DCAF13: variants seen among roughly 807,000 people sequenced by gnomAD.
DCAF13 encodes DDB1 and CUL4 associated factor 13.
DCAF13 carries 38 observed loss-of-function variants against 59.0 expected under a neutral mutation model. The ratio of observed to expected loss-of-function variants is 0.64; its 90% CI spans 0.50 to 0.84. DCAF13 has a LOEUF of 0.84. Among genes scored for constraint, DCAF13 ranks in the 40% least tolerant of loss-of-function variants. DCAF13 has a pLI of 0.00. For synonymous variants in DCAF13, 173 were observed against 175.0 expected (o/e 0.99, Z 0.09); for missense variants, 469 against 558.4 (o/e 0.84, Z 1.61).
At position 103,437,723 on chromosome 8, in the gene DCAF13, A is replaced by AT. The variant is rs539143488; in HGVS notation, c.950+1934dup. Among the ~76,000 whole-genome samples, 300 of 152,178 alleles carry AT rather than the reference A, an allele frequency of 2.0e-3. 3 individuals are homozygous for AT. The highest frequency in any genetic ancestry group is 3.2e-3 in the Non-Finnish European group (218 of 67,984). On this transcript the variant is annotated intron_variant, in intron 8 of 10. Transcript: ENST00000612750. ...CATCAAATAACTCATGCTTGGGTGA[A>AT]TAATCTGTATTTAAAAAATATTTTC...
chr8:103,431,095 C>A (rs1816858222), intron 6 of DCAF13, among the ~76,000 whole-genome samples: 6 of 152,186 alleles, frequency 3.9e-5, no homozygotes, highest in Admixed American at 3.9e-4. Flanking sequence ...GGTTTTAGAA[C>A]TCATTCACGT....
rs551978406 is a variant in DCAF13, at chr8:103,420,545, G to T, written c.270+82G>T. 9.2e-6 allele frequency: 13 copies of T among 1,406,866 alleles called. No individual in the cohort carries two copies. In the Admixed American group the frequency reaches 2.4e-4, roughly 25 times the overall value. The allele number at this position is 1,406,866 out of a possible 1,614,324, so 87.1% of individuals were successfully genotyped here. ...TCCCTTTAGTTTTTAGTTACTGTAG[G>T]TTTTACTTTATTGGATTTCAATTTA... On this transcript the variant is annotated intron_variant, in intron 2 of 10. Coordinates refer to ENST00000612750, the MANE Select transcript of DCAF13 (RefSeq NM_015420.7).
chr8:103,432,208 A>T (rs1816874655), intron 6 of DCAF13, among the ~76,000 whole-genome samples: 1 of 152,168 alleles, frequency 6.6e-6, no homozygotes, highest in Non-Finnish European at 1.5e-5. Flanking sequence ...GTGGATAGTC[A>T]TACACAACAA....
rs949428224 is a variant in DCAF13 at position 103,430,586 on chromosome 8, C to G, written c.625-26C>G. On this transcript the variant is annotated intron_variant, in intron 5 of 10. Coordinates refer to ENST00000612750, the MANE Select transcript of DCAF13 (RefSeq NM_015420.7). The stretch of plus-strand genomic sequence containing the variant: ...GTTTGCTGCCAGGTCTGGCTTTGAA[C>G]TGGTGATTGTTATACTTGTTTTTAG... 22 of 1,566,936 alleles carry G rather than the reference C, an allele frequency of 1.4e-5. No homozygotes were observed. In the African/African-American group the frequency reaches 3.0e-4, roughly 21 times the overall value.
rs779581442 is a variant in DCAF13, at chr8:103,442,914, A to T, written c.*32A>T. 1 of 1,447,566 alleles carries T rather than the reference A, an allele frequency of 6.9e-7. No homozygotes were observed. The highest frequency in any genetic ancestry group is 2.1e-5 in the Admixed American group (1 of 47,654). 89.7% of individuals were successfully genotyped at this position (1,447,566 alleles called of 1,614,324 possible). On this transcript the variant is annotated 3_prime_UTR_variant, in exon 11 of 11. Transcript: ENST00000612750. ...TTCCTAACAATCCTGATGTATAATT[A>T]TTTGTTACTTTTGATTTGAGAACTC...
At chr8:103,436,504 A>G (rs1816936634) in intron 8 of DCAF13, among the ~76,000 whole-genome samples, 1 of 152,130 alleles carries the variant, frequency 6.6e-6, no homozygotes, top group African/African-American at 2.4e-5. Flanking sequence ...CTAATATTTA[A>G]GATTTTTATT....
At position 103,418,824 on chromosome 8, in the gene DCAF13, TTATATATATATATA is replaced by T. The variant is rs1188672878; in HGVS notation, c.71-1410_71-1397del. 5.9e-3 allele frequency among the ~76,000 whole-genome samples: 246 copies of T among 41,382 alleles called. 2 individuals are homozygous for T. Among genetic ancestry groups the T allele is most frequent in the African/African-American group, 0.014 (165 of 11,752 alleles). 27.1% of individuals were successfully genotyped at this position (41,382 alleles called of 152,430 possible). A position where few individuals can be genotyped will look rare whatever the true frequency, so the allele number is the denominator to read the frequency against. On this transcript the variant is annotated intron_variant, in intron 1 of 10. Coordinates refer to ENST00000612750, the MANE Select transcript of DCAF13 (RefSeq NM_015420.7). Reference sequence around the variant, plus strand: ...GCTTAAAATTACTTTCTAAGCATAATTATATATATATATATATATATATATATATATATATATAT... The same window carrying T: ...GCTTAAAATTACTTTCTAAGCATAATTATATATATATATATATATATATAT...
chr8:103,440,079 G>A (rs976264999), intron 8 of DCAF13, 57 bp from the exon 9 acceptor site: 5 of 1,195,156 alleles, frequency 4.2e-6, no homozygotes, highest in African/African-American at 3.8e-5. Flanking sequence ...ATAGGCAGTG[G>A]TTACTCAAAA....
In DCAF13 at chr8:103,419,490, A is replaced by G. The variant is rs574758144; in HGVS notation, c.71-774A>G. 2.6e-5 allele frequency among the ~76,000 whole-genome samples: 4 copies of G among 152,350 alleles called. No individual in the cohort carries two copies. The South Asian group carries it at 6.2e-4, about 24-fold the overall frequency. ...AGAAAGTGCTCAGTAAATGATAGCT[A>G]TATAATATCATCATAATCACAACTT... is the stretch of plus-strand genomic sequence containing the variant. On this transcript the variant is annotated intron_variant, in intron 1 of 10. Coordinates refer to ENST00000612750, the MANE Select transcript of DCAF13 (RefSeq NM_015420.7).
chr8:103,422,639 G>A (rs980686103), intron 3 of DCAF13, among the ~76,000 whole-genome samples: 5 of 152,218 alleles, frequency 3.3e-5, no homozygotes, highest in Non-Finnish European at 7.3e-5. Flanking sequence ...CATAATTCTA[G>A]TCTTTCACTT....
chr8:103,420,778 T>C (rs780426647), intron 2 of DCAF13, 197 bp from the exon 3 acceptor site: 232 of 589,220 alleles, frequency 3.9e-4, no homozygotes, highest in Non-Finnish European at 6.3e-4. Context: ...TGTAACACTT[T>C]AGAATCAACA....
At chr8:103,418,153 C>G (rs1047943979) in intron 1 of DCAF13, among the ~76,000 whole-genome samples, 1 of 151,650 alleles carries the variant, frequency 6.6e-6, no homozygotes, top group Non-Finnish European at 1.5e-5. Flanking sequence ...AAAAAGACAT[C>G]TGATAATAGT....
chr8:103,427,457 T>C (rs2130484619), intron 5 of DCAF13: 2 of 574,824 alleles, frequency 3.5e-6, no homozygotes, highest in East Asian at 5.7e-5. Flanking sequence ...ATACTAGAGT[T>C]AAGCATTGTT....
chr8:103,419,663 A>G (rs1361258916), intron 1 of DCAF13, among the ~76,000 whole-genome samples: 2 of 152,192 alleles, frequency 1.3e-5, no homozygotes, highest in South Asian at 2.1e-4. Context: ...TGAAAAGTGT[A>G]TTGGAAGCCC....
chr8:103,417,641 C>CAAA (rs34702662), intron 1 of DCAF13, among the ~76,000 whole-genome samples: 2 of 75,938 alleles, frequency 2.6e-5, no homozygotes, highest in Admixed American at 1.4e-4. Flanking sequence ...GACTCCGTCT[C>CAAA]AAAAAAAAAA....
intron 3 of DCAF13, among the ~76,000 whole-genome samples, chr8:103,425,184 T>G (rs376293859): frequency 5.9e-5 from 9 of 152,258 alleles, no homozygotes; most frequent in Admixed American, 3.3e-4. Context: ...GCATCTAATA[T>G]ATAAATGTAA....
rs751613260 is a variant in DCAF13, at chr8:103,427,076, T to A, written c.469-21T>A. 1.5e-5 allele frequency: 23 copies of A among 1,573,500 alleles called. No individual in the cohort carries two copies. In the African/African-American group the frequency reaches 2.9e-4, roughly 20 times the overall value. On this transcript the variant is annotated intron_variant, in intron 4 of 10. Coordinates refer to ENST00000612750, the MANE Select transcript of DCAF13 (RefSeq NM_015420.7). ...TGAATTAGTAATGAAAAAAATCCTC[T>A]TAACCTTTTTGCTTTTAAAGACAGT... is the stretch of plus-strand genomic sequence containing the variant.
chr8:103,442,223 T>C (rs1034102138), intron 10 of DCAF13: 1 of 152,224 alleles, frequency 6.6e-6, no homozygotes, highest in Non-Finnish European at 1.5e-5. Context: ...AAAAAATTAT[T>C]GTAAAAAATG....
At chr8:103,424,854 A>G (rs1422860032) in intron 3 of DCAF13, among the ~76,000 whole-genome samples, 1 of 152,174 alleles carries the variant, frequency 6.6e-6, no homozygotes, top group Admixed American at 6.5e-5. Context: ...GGTTTCTAGA[A>G]TTGAGTTTTA....
Sources: allele counts gnomAD v4.1 joint callset (sites outside exome capture counted in the v4.1 genomes callset), GRCh38; gene constraint gnomAD v4.1.1; transcripts MANE v1.5; gene names NCBI Gene and HGNC (gene_info 2026-07-23, HGNC 2026-07-21).